The following NUP50 variants were observed in gnomAD, a reference collection of about 807,000 sequenced individuals.
NUP50 encodes the protein nucleoporin 50, also known as nuclear pore complex protein Nup50.
Under a neutral mutation model 36.8 loss-of-function variants are expected in NUP50, and 14 were observed. The ratio of observed to expected loss-of-function variants is 0.38; its 90% CI spans 0.25 to 0.59. NUP50 has a LOEUF of 0.59. Ranked by LOEUF, NUP50 falls within the 20% of genes least tolerant of loss-of-function variation. The probability of loss-of-function intolerance (pLI) is 0.63; values close to 1 mark genes in which losing one functional copy is unlikely to be tolerated. For synonymous variants in NUP50, 195 were observed against 210.8 expected (o/e 0.93, Z 0.65); for missense variants, 455 against 564.6 (o/e 0.81, Z 1.97).
At position 45,186,649 on chromosome 22, in the gene NUP50, T is replaced by G. The variant is rs2083450421; in HGVS notation, c.*1994T>G. 1 of 152,670 alleles carries G rather than the reference T, an allele frequency of 6.6e-6. No individual in the cohort carries two copies. Among genetic ancestry groups the G allele is most frequent in the African/African-American group, 2.4e-5 (1 of 41,458 alleles). The allele number at this position is 152,670 out of a possible 1,614,324, so 9.5% of individuals were successfully genotyped here. On this transcript the variant is annotated 3_prime_UTR_variant, in exon 8 of 8. Coordinates refer to ENST00000347635, the MANE Select transcript of NUP50 (RefSeq NM_007172.4). ...ACCTGCCCTTCTGTAAAAAATAGTT[T>G]ATATATTTTTAAATTAGTAGGTATG...
intron 3 of NUP50, 91 bp downstream of exon 3, chr22:45,171,774 A>T (rs1280371101): frequency 2.0e-6 from 2 of 1,001,182 alleles, no homozygotes; most frequent in East Asian, 5.0e-5. Flanking sequence ...TGATATCAAC[A>T]AATGCTTTCT....
intron 7 of NUP50, 56 bp from the exon 8 acceptor site, chr22:45,184,397 C>A: frequency 6.7e-7 from 1 of 1,494,722 alleles, no homozygotes; most frequent in Non-Finnish European, 9.3e-7. Context: ...TTACAGACTC[C>A]TTTGGTGGAG....
At chr22:45,166,787 A>G (rs1208046695) in intron 1 of NUP50, among the ~76,000 whole-genome samples, 1 of 144,028 alleles carries the variant, frequency 6.9e-6, no homozygotes, top group Non-Finnish European at 1.5e-5. Flanking sequence ...AACTTAACCA[A>G]GTGTTTTTGG....
chr22:45,180,367 A>G (rs370444297), intron 5 of NUP50: 1 of 151,504 alleles, frequency 6.6e-6, no homozygotes, highest in African/African-American at 2.4e-5. Context: ...ATCCTTTTAT[A>G]TATGTGGGGT....
At chr22:45,175,770 G>A in intron 3 of NUP50, 124 bp from the exon 4 acceptor site, 1 of 728,730 alleles carries the variant, frequency 1.4e-6, no homozygotes, top group Non-Finnish European at 2.2e-6. Context: ...CCAGCAGTTT[G>A]CCTTATAACG....
In NUP50 at chr22:45,184,846, T is replaced by C; in HGVS notation, c.*191T>C. 1.6e-6 allele frequency: 1 copy of C among 611,272 alleles called. No individual in the cohort carries two copies. The highest frequency in any genetic ancestry group is 3.0e-6 in the Non-Finnish European group (1 of 337,696). 37.9% of individuals were successfully genotyped at this position (611,272 alleles called of 1,614,324 possible). A position where few individuals can be genotyped will look rare whatever the true frequency, so the allele number is the denominator to read the frequency against. Reference sequence around the variant, plus strand: ...TGTCAAGAAACTGCACTCTCCCTTCTTAAGAACTGCCTAAAGTGTAAAATA... The same window carrying C: ...TGTCAAGAAACTGCACTCTCCCTTCCTAAGAACTGCCTAAAGTGTAAAATA... On this transcript the variant is annotated 3_prime_UTR_variant, in exon 8 of 8. Coordinates refer to ENST00000347635, the MANE Select transcript of NUP50 (RefSeq NM_007172.4).
At chr22:45,172,585 A>G (rs1337001232) in intron 3 of NUP50, among the ~76,000 whole-genome samples, 2 of 151,736 alleles carry the variant, frequency 1.3e-5, no homozygotes, top group Non-Finnish European at 2.9e-5. Flanking sequence ...AGGGACATGC[A>G]AGCTTATTTC....
chr22:45,166,170 G>A (rs893077438), intron 1 of NUP50: 4 of 151,648 alleles, frequency 2.6e-5, no homozygotes, highest in South Asian at 2.1e-4. Flanking sequence ...ATTTTACTGC[G>A]TCACCTGTCT....
chr22:45,183,085 CGGGGGGGGG>C lies in NUP50; in HGVS notation c.1086-310_1086-302del, dbSNP rs60488848. Among the ~76,000 whole-genome samples the C allele has an allele frequency of 4.5e-4, 51 of 114,206 alleles. 4 individuals are homozygous for C. Among genetic ancestry groups the C allele is most frequent in the African/African-American group, 1.7e-3 (50 of 29,656 alleles). The allele number at this position is 114,206 out of a possible 152,430, so 74.9% of individuals were successfully genotyped here. A position where few individuals can be genotyped will look rare whatever the true frequency, so the allele number is the denominator to read the frequency against. ...GGAGCAGAATGGCAGGGGTTGGGGG[CGGGGGGGGG>C]GGGGGGTTGGTGTTGAGCCCTGATT... On this transcript the variant is annotated intron_variant, in intron 6 of 7. Transcript: ENST00000347635.
chr22:45,166,305 T>TTTTTTTG (rs2074094448), intron 1 of NUP50: 1 of 136,782 alleles, frequency 7.3e-6, no homozygotes, highest in African/African-American at 2.7e-5. Flanking sequence ...TTTTTTTTTT[T>TTTTTTTG]GAGATGGAGT....
chr22:45,175,789 A>G lies in NUP50; in HGVS notation c.154-105A>G, dbSNP rs182972266. 8.2e-5 allele frequency: 81 copies of G among 984,170 alleles called. No individual in the cohort carries two copies. In the African/African-American group the frequency reaches 8.9e-4, roughly 11 times the overall value. The allele number at this position is 984,170 out of a possible 1,614,324, so 61.0% of individuals were successfully genotyped here. On this transcript the variant is annotated intron_variant, in intron 3 of 7. Transcript: ENST00000347635. ...CAGTTTGCCTTATAACGCTGACTGC[A>G]TGTGGAGTCTAGGTGCTGTTTAGCC...
chr22:45,183,559 C>A, intron 7 of NUP50, 39 bp downstream of exon 7: 1 of 1,252,732 alleles, frequency 8.0e-7, no homozygotes, highest in Non-Finnish European at 1.2e-6. Context: ...ATCATCATCA[C>A]ATAGTATATA....
chr22:45,184,781 A>C lies in NUP50; in HGVS notation c.*126A>C, dbSNP rs1229172299. On this transcript the variant is annotated 3_prime_UTR_variant, in exon 8 of 8. Transcript: ENST00000347635. ...TTATAGATAACTTAAAACTTTTGTG[A>C]GGAAGATTAATGTGGCCAATAAAAC... 1.4e-6 allele frequency: 1 copy of C among 701,620 alleles called. No individual in the cohort carries two copies. Among genetic ancestry groups the C allele is most frequent in the African/African-American group, 1.8e-5 (1 of 55,838 alleles). 43.5% of individuals were successfully genotyped at this position (701,620 alleles called of 1,614,324 possible). A position where few individuals can be genotyped will look rare whatever the true frequency, so the allele number is the denominator to read the frequency against.
At chr22:45,171,139 A>G in intron 2 of NUP50, 3 of 1,228,998 alleles carry the variant, frequency 2.4e-6, no homozygotes, top group Non-Finnish European at 3.1e-6. Context: ...CCTTTCGTAC[A>G]GTGGGCAAGT....
chr22:45,181,274 T>C lies in NUP50; in HGVS notation c.1004-12T>C. On this transcript the variant is annotated splice_polypyrimidine_tract_variant and intron_variant, in intron 5 of 7. Coordinates refer to ENST00000347635, the MANE Select transcript of NUP50 (RefSeq NM_007172.4). ...TTGGAATCTTACTGAATTATTGTCA[T>C]TTTTATAAAAGGTGGAGATGAAGAA... is the stretch of plus-strand genomic sequence containing the variant. 1 of 1,577,486 alleles carries C rather than the reference T, an allele frequency of 6.3e-7. No homozygotes were observed. Among genetic ancestry groups the C allele is most frequent in the Non-Finnish European group, 8.6e-7 (1 of 1,163,662 alleles).
chr22:45,170,240 G>A (rs1161508107), intron 2 of NUP50, among the ~76,000 whole-genome samples: 3 of 151,838 alleles, frequency 2.0e-5, no homozygotes, highest in Admixed American at 6.6e-5. Flanking sequence ...CGGTCTCCGT[G>A]TCTTGGTGGT....
Position 45,178,234 on chromosome 22 carries a change from A to G in NUP50, c.341-4A>G, listed in dbSNP as rs367682520. 10 of 1,609,048 alleles carry G rather than the reference A, an allele frequency of 6.2e-6. No homozygotes were observed. The highest frequency in any genetic ancestry group is 5.4e-5 in the African/African-American group (4 of 74,720). On this transcript the variant is annotated splice_polypyrimidine_tract_variant and splice_region_variant and intron_variant, in intron 4 of 7. Transcript: ENST00000347635. Reference sequence around the variant, plus strand: ...TAAATGGTTCAATTATTAACTTTCTATAGGTTCTCTTGCTGCAAATGGCCC... The same window carrying G: ...TAAATGGTTCAATTATTAACTTTCTGTAGGTTCTCTTGCTGCAAATGGCCC...
intron 1 of NUP50, among the ~76,000 whole-genome samples, chr22:45,166,731 C>CGCGTGAACCCGGGAAGCGGAGCT (rs1365049641): frequency 6.2e-4 from 93 of 150,608 alleles, no homozygotes; most frequent in East Asian, 2.2e-3. Context: ...AGAATTATGT[C>CGCGTGAACCCGGGAAGCGGAGCT]TATTCCTGTA....
At chr22:45,169,704 A>C (rs1489211779) in intron 2 of NUP50, among the ~76,000 whole-genome samples, 1 of 152,236 alleles carries the variant, frequency 6.6e-6, no homozygotes, top group Non-Finnish European at 1.5e-5. Context: ...TCACGCCCGC[A>C]TAAGGGCCGC....
Sources: allele counts gnomAD v4.1 joint callset (sites outside exome capture counted in the v4.1 genomes callset), GRCh38; gene constraint gnomAD v4.1.1; transcripts MANE v1.5; gene names NCBI Gene and HGNC (gene_info 2026-07-23, HGNC 2026-07-21).